NFATC1: variants seen among roughly 807,000 people sequenced by gnomAD.
NFATC1 encodes the protein nuclear factor of activated T-cells, cytoplasmic 1.
A neutral mutation model predicts 76.0 loss-of-function variants in NFATC1; 22 were observed. The ratio of observed to expected loss-of-function variants is 0.29; its 90% confidence interval spans 0.21 to 0.41. NFATC1 has a LOEUF of 0.41. Ranked by LOEUF, NFATC1 falls within the 10% of genes least tolerant of loss-of-function variation. The probability of loss-of-function intolerance (pLI) is 1.00; values close to 1 mark genes in which losing one functional copy is unlikely to be tolerated. For missense variants in NFATC1, 1,357 were observed against 1,337.7 expected (o/e 1.01, Z -0.23); for synonymous variants, 704 against 613.1 (o/e 1.15, Z -2.19).
chr18:79,448,676 A>C, intron 3 of NFATC1, 106 bp from the exon 4 acceptor site: 1 of 1,019,996 alleles, frequency 9.8e-7, no homozygotes, highest in Non-Finnish European at 1.5e-6. Context: ...GGGGCAGGGC[A>C]GGGGGACACA....
intron 2 of NFATC1, among the ~76,000 whole-genome samples, chr18:79,425,980 G>A (rs2086314916): frequency 6.6e-6 from 1 of 152,212 alleles, no homozygotes; most frequent in Admixed American, 6.5e-5. Flanking sequence ...GGGAGGCCGA[G>A]GCACCAGGAT....
At chr18:79,464,095 G>GT (rs1338210326) in intron 7 of NFATC1, among the ~76,000 whole-genome samples, 2 of 152,164 alleles carry the variant, frequency 1.3e-5, no homozygotes, top group African/African-American at 4.8e-5. Flanking sequence ...TTTTTTGTTT[G>GT]TTTTTTGTTT....
Position 79,486,337 on chromosome 18 carries a change from C to A in NFATC1, c.2182C>A (p.Pro728Thr). 1 of 1,613,184 alleles carries A rather than the reference C, an allele frequency of 6.2e-7. No homozygotes were observed. Among genetic ancestry groups the A allele is most frequent in the Non-Finnish European group, 8.5e-7 (1 of 1,180,010 alleles). ...VSQGLSPLPR[P>T]YYSQQLAMPP... is the part of the protein sequence containing the mutation. ...CCAGGGGTTAAGTCCTCTCCCAAGACCATACTACAGCCAGCAGCTCGCGAT... is the reference window on the plus strand; with the variant it reads ...CCAGGGGTTAAGTCCTCTCCCAAGAACATACTACAGCCAGCAGCTCGCGAT... The change falls in exon 9 of 10, where the codon CCA (proline) becomes ACA (threonine). Residue 728 changes from proline to threonine, a missense_variant. Physicochemically the swap from Pro to Thr is conservative, Grantham distance 38. This residue lies in a region of NFATC1 where 424 missense variants were observed against 395.4 expected (regional missense o/e 1.07). Transcript: ENST00000427363.
intron 8 of NFATC1, among the ~76,000 whole-genome samples, chr18:79,472,669 A>G (rs1234103212): frequency 1.3e-5 from 2 of 150,760 alleles, no homozygotes; most frequent in Admixed American, 1.3e-4. Flanking sequence ...ACTTGGAGAC[A>G]CCCTGGGGCT....
rs375599824 is a variant in NFATC1 at position 79,448,243 on chromosome 18, T to C, written c.1387-539T>C. 1.4e-4 allele frequency: 22 copies of C among 160,338 alleles called. No homozygotes were observed. In the South Asian group the frequency reaches 3.7e-3, roughly 27 times the overall value. 9.9% of individuals were successfully genotyped at this position (160,338 alleles called of 1,614,324 possible). A position where few individuals can be genotyped will look rare whatever the true frequency, so the allele number is the denominator to read the frequency against. Reference sequence around the variant, plus strand: ...CAGCCACCAGGACGGCGTTGAGCGCTCCCCTGCCTCTGCAGGAGGAGAGGG... The same window carrying C: ...CAGCCACCAGGACGGCGTTGAGCGCCCCCCTGCCTCTGCAGGAGGAGAGGG... On this transcript the variant is annotated intron_variant, in intron 3 of 9. Transcript: ENST00000427363.
chr18:79,501,261 A>G (rs1206796278), intron 9 of NFATC1, among the ~76,000 whole-genome samples: 4 of 152,262 alleles, frequency 2.6e-5, no homozygotes, highest in East Asian at 1.9e-4. Context: ...GAAAAAAAGC[A>G]TTTAACAAAA....
At chr18:79,442,881 C>G (rs1442801164) in intron 3 of NFATC1, among the ~76,000 whole-genome samples, 1 of 152,134 alleles carries the variant, frequency 6.6e-6, no homozygotes, top group Non-Finnish European at 1.5e-5. Flanking sequence ...GCTCCCCACT[C>G]CCACCCGGAC....
At chr18:79,458,569 C>G (rs190514501) in intron 6 of NFATC1, among the ~76,000 whole-genome samples, 2 of 152,230 alleles carry the variant, frequency 1.3e-5, no homozygotes, top group Non-Finnish European at 2.9e-5. Context: ...GGAAGCCTCC[C>G]GATGACTCAG....
In NFATC1 at chr18:79,482,823, G is replaced by A. The variant is rs574359026; in HGVS notation, c.2093-3425G>A. ...GTGTCACTTCAGCGTGACCTGGTCC[G>A]GGGGTGTAATTCCAGCGTGACCTGG... On this transcript the variant is annotated intron_variant, in intron 8 of 9. Coordinates refer to ENST00000427363, the MANE Select transcript of NFATC1 (RefSeq NM_001278669.2). Among the ~76,000 whole-genome samples the A allele has an allele frequency of 1.1e-3, 94 of 85,318 alleles. 4 individuals are homozygous for A. The highest frequency in any genetic ancestry group is 2.5e-3 in the African/African-American group (55 of 21,750). The allele number at this position is 85,318 out of a possible 152,430, so 56.0% of individuals were successfully genotyped here. A position where few individuals can be genotyped will look rare whatever the true frequency, so the allele number is the denominator to read the frequency against.
At chr18:79,462,463 C>T (rs1345723879) in intron 7 of NFATC1, among the ~76,000 whole-genome samples, 2 of 152,162 alleles carry the variant, frequency 1.3e-5, no homozygotes, top group Admixed American at 6.6e-5. Context: ...CACCACCACG[C>T]CCGGCTAATT....
chr18:79,399,632 C>G (rs1322492525), intron 1 of NFATC1, among the ~76,000 whole-genome samples: 1 of 152,244 alleles, frequency 6.6e-6, no homozygotes, highest in East Asian at 1.9e-4. Flanking sequence ...CTTCCCGCCC[C>G]GCTCAAGGAG....
chr18:79,467,868 A>G (rs1035121621), intron 8 of NFATC1: 6 of 1,188,834 alleles, frequency 5.0e-6, no homozygotes, highest in Middle Eastern at 3.5e-4. Flanking sequence ...AGGGGAAAAC[A>G]TGGCTCTTCT....
intron 9 of NFATC1, among the ~76,000 whole-genome samples, chr18:79,519,957 C>T (rs889904520): frequency 1.3e-5 from 2 of 152,106 alleles, no homozygotes; most frequent in East Asian, 1.9e-4. Flanking sequence ...CCTGGACGGG[C>T]GAGATAAGTG....
intron 9 of NFATC1, among the ~76,000 whole-genome samples, chr18:79,490,238 G>C (rs1325256216): frequency 6.6e-6 from 1 of 152,172 alleles, no homozygotes; most frequent in Non-Finnish European, 1.5e-5. Context: ...AGGTGGGGTA[G>C]TGTCTGGTGC....
At chr18:79,400,359 C>T (rs781102284) in intron 1 of NFATC1, 5 of 1,394,396 alleles carry the variant, frequency 3.6e-6, no homozygotes, top group African/African-American at 1.7e-5. Context: ...GGCCGCGACC[C>T]CGGCTCCCGC....
intron 1 of NFATC1, among the ~76,000 whole-genome samples, chr18:79,406,432 C>T (rs993578773): frequency 2.0e-5 from 3 of 152,082 alleles, no homozygotes; most frequent in Admixed American, 6.5e-5. Context: ...GCTGGGCCCC[C>T]GTGATCGGAT....
chr18:79,399,133 C>A (rs2085098921), intron 1 of NFATC1, among the ~76,000 whole-genome samples: 1 of 152,262 alleles, frequency 6.6e-6, no homozygotes, highest in South Asian at 2.1e-4. Context: ...GAAAACAGAA[C>A]TTCCACTTGC....
At position 79,527,663 on chromosome 18, in the gene NFATC1, T is replaced by TGG; in HGVS notation, c.*87_*88dup. On this transcript the variant is annotated 3_prime_UTR_variant, in exon 10 of 10. Coordinates refer to ENST00000427363, the MANE Select transcript of NFATC1 (RefSeq NM_001278669.2). The stretch of plus-strand genomic sequence containing the variant: ...TGAATAAATAAACTGAACTCACACC[T>TGG]GGTACCACTCAGAACCTCCAACTGA... 8.2e-7 allele frequency: 1 copy of TGG among 1,221,482 alleles called. No individual in the cohort carries two copies. The highest frequency in any genetic ancestry group is 2.3e-5 in the East Asian group (1 of 43,022). 75.7% of individuals were successfully genotyped at this position (1,221,482 alleles called of 1,614,324 possible).
rs181819608 is a variant in NFATC1, at chr18:79,421,502, C to G, written c.1226+10001C>G. 7 of 152,574 alleles carry G rather than the reference C, an allele frequency of 4.6e-5. No individual in the cohort carries two copies. In the East Asian group the frequency reaches 1.3e-3, roughly 29 times the overall value. The allele number at this position is 152,574 out of a possible 1,614,324, so 9.5% of individuals were successfully genotyped here. On this transcript the variant is annotated intron_variant, in intron 2 of 9. Transcript: ENST00000427363. Reference sequence around the variant, plus strand: ...CCCCAGGGGTCTGGGAGTGCAGTGTCGGGCCTGTGGAGGTGGAGAGCAGGG... The same window carrying G: ...CCCCAGGGGTCTGGGAGTGCAGTGTGGGGCCTGTGGAGGTGGAGAGCAGGG...
Sources: allele counts gnomAD v4.1 joint callset (sites outside exome capture counted in the v4.1 genomes callset), GRCh38; gene constraint gnomAD v4.1.1; regional missense constraint gnomAD v4.1.1; transcripts MANE v1.5; gene names NCBI Gene and HGNC (gene_info 2026-07-23, HGNC 2026-07-21).